The following CLIC6 variants were observed in gnomAD, a reference collection of about 807,000 sequenced individuals.
CLIC6 encodes the protein chloride intracellular channel protein 6.
In CLIC6, 39 loss-of-function variants were observed where a neutral mutation model predicts 49.2. That is an observed-to-expected ratio of 0.79 (90% CI 0.61 to 1.04). The LOEUF is 1.04. Ranked by LOEUF, CLIC6 falls within the 50% of genes least tolerant of loss-of-function variation. CLIC6 has a pLI of 0.00. For synonymous variants in CLIC6, 446 were observed against 433.4 expected, an observed-to-expected ratio of 1.03 and a Z score of -0.36; for missense variants, 988 against 993.1, an observed-to-expected ratio of 0.99 and a Z score of 0.07.
chr21:34,697,342 T>C (rs995506501), intron 1 of CLIC6, among the ~76,000 whole-genome samples: 5 of 152,154 alleles, frequency 3.3e-5, no homozygotes, highest in African/African-American at 1.2e-4. Flanking sequence ...GGGGAGTTTG[T>C]TAGGCTTGTC....
At chr21:34,701,308 CAAAAAAAAAAAA>C (rs763844976) in intron 1 of CLIC6, among the ~76,000 whole-genome samples, 1 of 49,570 alleles carries the variant, frequency 2.0e-5, no homozygotes, top group Non-Finnish European at 3.8e-5. Flanking sequence ...GGCTCCGTCT[CAAAAAAAAAAAA>C]AAAAAAAAAA....
rs75433027 is a variant in CLIC6 at position 34,716,900 on chromosome 21, A to ACACACACACACAC, written c.*418_*419insCACACACACACAC. The ACACACACACACAC allele has an allele frequency of 6.8e-6, 1 of 147,014 alleles. No individual in the cohort carries two copies. Among genetic ancestry groups the ACACACACACACAC allele is most frequent in the African/African-American group, 2.6e-5 (1 of 38,336 alleles). The allele number at this position is 147,014 out of a possible 1,614,324, so 9.1% of individuals were successfully genotyped here. A position where few individuals can be genotyped will look rare whatever the true frequency, so the allele number is the denominator to read the frequency against. ...CACACACACACACACACACACACAC[A>ACACACACACACAC]ATTTCATTCATATATGGTATTGCAT... On this transcript the variant is annotated 3_prime_UTR_variant, in exon 6 of 6. Coordinates refer to ENST00000349499, the MANE Select transcript of CLIC6 (RefSeq NM_053277.3).
At chr21:34,697,193 G>A (rs1314592408) in intron 1 of CLIC6, among the ~76,000 whole-genome samples, 1 of 151,156 alleles carries the variant, frequency 6.6e-6, no homozygotes, top group Non-Finnish European at 1.5e-5. Context: ...CACAATTCTG[G>A]GGTAGGTTTG....
intron 1 of CLIC6, among the ~76,000 whole-genome samples, chr21:34,689,132 A>G (rs1177999177): frequency 6.6e-6 from 1 of 152,174 alleles, no homozygotes; most frequent in East Asian, 1.9e-4. Context: ...CCACACCTGC[A>G]TCTTTGAAGC....
intron 1 of CLIC6, among the ~76,000 whole-genome samples, chr21:34,684,086 C>CTT (rs71950500): frequency 2.8e-3 from 402 of 142,916 alleles, no homozygotes; most frequent in African/African-American, 8.2e-3. Flanking sequence ...GTAAACGCTG[C>CTT]TTTTTTTTTT....
At position 34,717,410 on chromosome 21, in the gene CLIC6, A is replaced by C. The variant is rs796736219; in HGVS notation, c.*928A>C. ...CTGGTGGTATCGTGTGGGGATAGCAATACTTCTCTGCCCTTCATTGTCTCA... is the reference window on the plus strand; with the variant it reads ...CTGGTGGTATCGTGTGGGGATAGCACTACTTCTCTGCCCTTCATTGTCTCA... On this transcript the variant is annotated 3_prime_UTR_variant, in exon 6 of 6. Transcript: ENST00000349499. 2 of 152,270 alleles carry C rather than the reference A, an allele frequency of 1.3e-5. No individual in the cohort carries two copies. Among genetic ancestry groups the C allele is most frequent in the African/African-American group, 4.8e-5 (2 of 41,522 alleles). The allele number at this position is 152,270 out of a possible 1,614,324, so 9.4% of individuals were successfully genotyped here.
intron 1 of CLIC6, among the ~76,000 whole-genome samples, chr21:34,696,941 G>A (rs924049735): frequency 1.7e-4 from 26 of 152,172 alleles, no homozygotes; most frequent in Non-Finnish European, 3.1e-4. Flanking sequence ...TTCCTGGGAC[G>A]CGGCACCCGT....
chr21:34,681,992 G>C (rs1473567585), intron 1 of CLIC6, among the ~76,000 whole-genome samples: 1 of 152,130 alleles, frequency 6.6e-6, no homozygotes, highest in Non-Finnish European at 1.5e-5. Context: ...CTCCTTATCA[G>C]TGCCTCTAGC....
intron 5 of CLIC6, among the ~76,000 whole-genome samples, chr21:34,714,261 A>T (rs1322412428): frequency 1.3e-5 from 2 of 152,266 alleles, no homozygotes; most frequent in Non-Finnish European, 2.9e-5. Context: ...TACGGACAGA[A>T]TAGAGTCAGA....
At position 34,669,450 on chromosome 21, in the gene CLIC6, C is replaced by T; in HGVS notation, c.62C>T (p.Pro21Leu). The T allele has an allele frequency of 1.6e-6, 2 of 1,233,872 alleles. No homozygotes were observed. The highest frequency in any genetic ancestry group is 2.0e-6 in the Non-Finnish European group (2 of 989,334). The allele number at this position is 1,233,872 out of a possible 1,614,324, so 76.4% of individuals were successfully genotyped here. A position where few individuals can be genotyped will look rare whatever the true frequency, so the allele number is the denominator to read the frequency against. ...GGTCCCCAGGGGCCGCCGGAGGTCCCCGCGCCTCTGGCTGAGAGACCCGGA... is the reference window on the plus strand; with the variant it reads ...GGTCCCCAGGGGCCGCCGGAGGTCCTCGCGCCTCTGGCTGAGAGACCCGGA... ...APGPQGPPEV[P>L]APLAERPGEP... is the part of the protein sequence containing the mutation. The change falls in exon 1 of 6, where the codon CCC becomes CTC. Residue 21 changes from proline to leucine, a missense_variant. This residue lies in a region of CLIC6 where 284 missense variants were observed against 278.6 expected (regional missense o/e 1.02). Coordinates refer to ENST00000349499, the MANE Select transcript of CLIC6 (RefSeq NM_053277.3).
intron 1 of CLIC6, among the ~76,000 whole-genome samples, chr21:34,681,280 T>A (rs1989776128): frequency 6.6e-6 from 1 of 152,190 alleles, no homozygotes; most frequent in African/African-American, 2.4e-5. Flanking sequence ...TCACTCACTA[T>A]CACAAGAACA....
intron 1 of CLIC6, among the ~76,000 whole-genome samples, chr21:34,671,421 T>A (rs896922062): frequency 6.6e-6 from 1 of 152,234 alleles, no homozygotes; most frequent in South Asian, 2.1e-4. Flanking sequence ...GAATACAAGA[T>A]GCCGGTGACT....
chr21:34,695,082 T>G (rs1481693299), intron 1 of CLIC6, among the ~76,000 whole-genome samples: 5 of 152,218 alleles, frequency 3.3e-5, no homozygotes, highest in African/African-American at 1.2e-4. Context: ...GTTCTGTTGA[T>G]CAGAAACTTG....
chr21:34,683,634 G>A (rs1989821941), intron 1 of CLIC6, among the ~76,000 whole-genome samples: 1 of 152,186 alleles, frequency 6.6e-6, no homozygotes, highest in Non-Finnish European at 1.5e-5. Context: ...GATGGAAGCA[G>A]TTTCCTCCAT....
At chr21:34,710,814 G>GA (rs1247235920) in intron 5 of CLIC6, among the ~76,000 whole-genome samples, 3 of 151,218 alleles carry the variant, frequency 2.0e-5, no homozygotes, top group South Asian at 2.1e-4. Flanking sequence ...CTCCGTCTCA[G>GA]AAAAAAAACA....
intron 1 of CLIC6, among the ~76,000 whole-genome samples, chr21:34,693,065 C>A (rs1990025427): frequency 6.6e-6 from 1 of 152,176 alleles, no homozygotes. Flanking sequence ...GCAAAGTATG[C>A]ACCATCTAGC....
intron 4 of CLIC6, 57 bp downstream of exon 4, chr21:34,708,863 C>T (rs899486232): frequency 7.4e-6 from 9 of 1,208,814 alleles, no homozygotes; most frequent in African/African-American, 1.5e-5. Flanking sequence ...CTTAGCATGG[C>T]GGCCCATACG....
intron 1 of CLIC6, among the ~76,000 whole-genome samples, chr21:34,673,505 GGT>G (rs1989608038): frequency 6.6e-6 from 1 of 152,046 alleles, no homozygotes; most frequent in Non-Finnish European, 1.5e-5. Context: ...TGGCCAGCCT[GGT>G]CTCAAACTCC....
intron 1 of CLIC6, among the ~76,000 whole-genome samples, chr21:34,695,128 C>T (rs756589045): frequency 2.4e-4 from 37 of 152,228 alleles, no homozygotes; most frequent in Admixed American, 7.2e-4. Context: ...AAGGCACTAG[C>T]AGGGCTGCAT....
Sources: allele counts gnomAD v4.1 joint callset (sites outside exome capture counted in the v4.1 genomes callset), GRCh38; gene constraint gnomAD v4.1.1; regional missense constraint gnomAD v4.1.1; transcripts MANE v1.5; gene names NCBI Gene and HGNC (gene_info 2026-07-23, HGNC 2026-07-21).